MYRIP: variants seen among roughly 807,000 people sequenced by gnomAD.
The protein encoded by MYRIP is myosin VIIA and Rab interacting protein.
MYRIP carries 49 observed loss-of-function variants against 98.0 expected under a neutral mutation model. That is an observed-to-expected ratio of 0.50 (90% CI 0.40 to 0.63). The LOEUF (loss-of-function observed/expected upper bound fraction) is 0.63. Ranked by LOEUF, MYRIP falls within the 30% of genes least tolerant of loss-of-function variation. The pLI, the probability that MYRIP is intolerant of heterozygous loss-of-function variation, is 0.00. For synonymous variants in MYRIP, 404 were observed against 409.5 expected, an observed-to-expected ratio of 0.99 and a Z score of 0.16; for missense variants, 1,004 against 1,058.2, an observed-to-expected ratio of 0.95 and a Z score of 0.71.
chr3:39,959,522 A>G (rs1251776553), intron 2 of MYRIP, among the ~76,000 whole-genome samples: 4 of 152,000 alleles, frequency 2.6e-5, no homozygotes, highest in East Asian at 1.9e-4. Context: ...AGGGCCTGTC[A>G]TGGGGTAGGG....
intron 16 of MYRIP, among the ~76,000 whole-genome samples, chr3:40,257,892 G>C (rs1953648804): frequency 2.0e-5 from 3 of 152,176 alleles, no homozygotes; most frequent in Non-Finnish European, 4.4e-5. Context: ...TGGACATTGG[G>C]ATGGTAGTGG....
chr3:39,965,789 G>A (rs991935063), intron 2 of MYRIP, among the ~76,000 whole-genome samples: 1 of 152,056 alleles, frequency 6.6e-6, no homozygotes, highest in South Asian at 2.1e-4. Flanking sequence ...GCTACACCTA[G>A]ATTAACAAAT....
chr3:40,169,804 TA>T, intron 7 of MYRIP, 145 bp from the exon 8 acceptor site: 1 of 842,328 alleles, frequency 1.2e-6, no homozygotes, highest in Non-Finnish European at 1.9e-6. Flanking sequence ...TGGTTTCTCA[TA>T]GCGCAGATCT....
At chr3:40,030,745 C>T (rs4552293) in intron 2 of MYRIP, among the ~76,000 whole-genome samples, 149,833 of 152,260 alleles carry the variant, frequency 0.98, 73,764 homozygotes, top group Middle Eastern at 1. Flanking sequence ...TATGATATTA[C>T]TTCATTTATA....
intron 1 of MYRIP, among the ~76,000 whole-genome samples, chr3:39,880,196 A>G (rs11712144): frequency 0.14 from 22,013 of 151,998 alleles, 1,598 homozygotes; most frequent in Middle Eastern, 0.19. Flanking sequence ...TCCTAATGCT[A>G]TCCCTTCCCA....
chr3:40,156,962 T>C (rs1950257735), intron 4 of MYRIP, among the ~76,000 whole-genome samples: 1 of 152,190 alleles, frequency 6.6e-6, no homozygotes, highest in South Asian at 2.1e-4. Context: ...TGACTTCCTC[T>C]TTTACTAATT....
intron 1 of MYRIP, among the ~76,000 whole-genome samples, chr3:39,897,543 C>G (rs999779604): frequency 1.3e-5 from 2 of 152,208 alleles, no homozygotes; most frequent in South Asian, 2.1e-4. Context: ...AAGTTAGGAG[C>G]ACCTGAACTG....
intron 2 of MYRIP, among the ~76,000 whole-genome samples, chr3:40,007,707 T>G (rs1163282064): frequency 6.6e-6 from 1 of 152,218 alleles, no homozygotes; most frequent in East Asian, 1.9e-4. Flanking sequence ...TTTAAGGAGT[T>G]GGCTTAGATG....
At chr3:40,131,499 A>G (rs1949638167) in intron 3 of MYRIP, among the ~76,000 whole-genome samples, 1 of 152,202 alleles carries the variant, frequency 6.6e-6, no homozygotes, top group Non-Finnish European at 1.5e-5. Context: ...AAACACAAGT[A>G]AGTGAGGAGG....
intron 8 of MYRIP, among the ~76,000 whole-genome samples, chr3:40,178,326 G>A (rs1445283415): frequency 6.6e-6 from 1 of 152,234 alleles, no homozygotes; most frequent in Non-Finnish European, 1.5e-5. Flanking sequence ...AAAAGTAACT[G>A]ATGATCACAC....
chr3:39,843,998 AG>A (rs1277028166), intron 1 of MYRIP, among the ~76,000 whole-genome samples: 2 of 152,198 alleles, frequency 1.3e-5, no homozygotes, highest in Non-Finnish European at 2.9e-5. Flanking sequence ...ACTGGGGAAG[AG>A]GCTGAGAGAC....
At chr3:40,117,552 C>T (rs1575550873) in intron 3 of MYRIP, among the ~76,000 whole-genome samples, 2 of 152,138 alleles carry the variant, frequency 1.3e-5, no homozygotes. Flanking sequence ...ACCTTGGCAT[C>T]ATTTCTTCCC....
chr3:40,023,960 A>G (rs1238113212), intron 2 of MYRIP, among the ~76,000 whole-genome samples: 1 of 152,144 alleles, frequency 6.6e-6, no homozygotes, highest in Admixed American at 6.5e-5. Flanking sequence ...GATGATTAAT[A>G]AAGATTTAGG....
At chr3:39,998,018 T>C (rs1020415841) in intron 2 of MYRIP, among the ~76,000 whole-genome samples, 1 of 152,204 alleles carries the variant, frequency 6.6e-6, no homozygotes, top group Non-Finnish European at 1.5e-5. Flanking sequence ...AAATTAGGTA[T>C]TGATGGGACG....
intron 2 of MYRIP, among the ~76,000 whole-genome samples, chr3:39,979,038 T>G (rs1467057272): frequency 6.6e-6 from 1 of 152,202 alleles, no homozygotes; most frequent in Non-Finnish European, 1.5e-5. Flanking sequence ...TGTACATTAG[T>G]GTTGACTCGT....
At chr3:40,012,071 T>C (rs916452217) in intron 2 of MYRIP, among the ~76,000 whole-genome samples, 1 of 152,270 alleles carries the variant, frequency 6.6e-6, no homozygotes, top group African/African-American at 2.4e-5. Flanking sequence ...CTTACAACAA[T>C]GTTAATACCC....
At chr3:39,890,745 A>T (rs1226026617) in intron 1 of MYRIP, among the ~76,000 whole-genome samples, 1 of 151,940 alleles carries the variant, frequency 6.6e-6, no homozygotes, top group African/African-American at 2.4e-5. Context: ...GGGAGTAGTG[A>T]AAAGGAAGAC....
chr3:39,931,219 G>A (rs1944529484), intron 2 of MYRIP, among the ~76,000 whole-genome samples: 1 of 151,776 alleles, frequency 6.6e-6, no homozygotes, highest in Non-Finnish European at 1.5e-5. Context: ...TTTCAATGAT[G>A]TTTGTAGTTT....
intron 12 of MYRIP, among the ~76,000 whole-genome samples, chr3:40,243,952 C>T (rs924982995): frequency 9.2e-5 from 14 of 152,150 alleles, no homozygotes; most frequent in Non-Finnish European, 8.8e-5. Context: ...CCCTTAACCT[C>T]GTTGAAGCAT....
Sources: gnomAD v4.1 joint callset for allele counts (sites outside exome capture counted in the v4.1 genomes callset) on GRCh38, gnomAD v4.1.1 for gene constraint, MANE v1.5 for transcripts, NCBI Gene and HGNC (gene_info 2026-07-23, HGNC 2026-07-21) for gene names.